The following AJAP1 variants were observed in gnomAD, a reference collection of about 807,000 sequenced individuals.
The protein encoded by AJAP1 is adherens junction-associated protein 1.
In AJAP1, 5 loss-of-function variants were observed where a neutral mutation model predicts 35.0. The observed-to-expected ratio is 0.14, with a 90% CI of 0.07 to 0.30. The LOEUF (loss-of-function observed/expected upper bound fraction) is 0.30. AJAP1 is among the 10% of genes least tolerant of loss of function. AJAP1 has a pLI of 1.00. For missense variants in AJAP1, 586 were observed against 571.0 expected (o/e 1.03, Z -0.27); for synonymous variants, 284 against 249.3 (o/e 1.14, Z -1.31).
chr1:4,747,555 C>G (rs940961609), intron 2 of AJAP1, among the ~76,000 whole-genome samples: 5 of 152,236 alleles, frequency 3.3e-5, no homozygotes, highest in African/African-American at 9.6e-5. Flanking sequence ...ACTTGTCCCT[C>G]TTGGGCCCCA....
chr1:4,778,615 T>G (rs1013635050), intron 5 of AJAP1, among the ~76,000 whole-genome samples: 3 of 131,840 alleles, frequency 2.3e-5, no homozygotes, highest in Non-Finnish European at 5.0e-5. Flanking sequence ...CTCTCTCTCT[T>G]CTCTCTGTCT....
intron 1 of AJAP1, among the ~76,000 whole-genome samples, chr1:4,679,090 C>T (rs886984381): frequency 6.6e-6 from 1 of 152,224 alleles, no homozygotes; most frequent in African/African-American, 2.4e-5. Context: ...AAGACCTGGA[C>T]TCTGGGAGAC....
At chr1:4,676,730 C>T (rs1045208808) in intron 1 of AJAP1, among the ~76,000 whole-genome samples, 4 of 152,154 alleles carry the variant, frequency 2.6e-5, no homozygotes, top group Non-Finnish European at 5.9e-5. Context: ...GTATTTGCAC[C>T]AAGGGGGACA....
chr1:4,725,353 T>C (rs1640629654), intron 2 of AJAP1, among the ~76,000 whole-genome samples: 1 of 152,096 alleles, frequency 6.6e-6, no homozygotes, highest in Non-Finnish European at 1.5e-5. Flanking sequence ...ATACTTGGTG[T>C]AGAATCCCGC....
intron 2 of AJAP1, among the ~76,000 whole-genome samples, chr1:4,761,921 C>T (rs1416759584): frequency 6.6e-6 from 1 of 152,112 alleles, no homozygotes; most frequent in Non-Finnish European, 1.5e-5. Flanking sequence ...AGGCCATTGA[C>T]TCAAATGTTA....
At chr1:4,709,363 G>A (rs1157958387) in intron 1 of AJAP1, among the ~76,000 whole-genome samples, 2 of 151,692 alleles carry the variant, frequency 1.3e-5, no homozygotes, top group African/African-American at 2.4e-5. Context: ...TTGGAGTCTG[G>A]TGCAGTCTGG....
intron 1 of AJAP1, among the ~76,000 whole-genome samples, chr1:4,677,275 G>C (rs1053913356): frequency 6.6e-6 from 1 of 152,164 alleles, no homozygotes; most frequent in African/African-American, 2.4e-5. Flanking sequence ...TGCCAAGGGG[G>C]ACCCGCCAGC....
intron 2 of AJAP1, among the ~76,000 whole-genome samples, chr1:4,747,505 G>C (rs999864017): frequency 1.3e-5 from 2 of 152,182 alleles, no homozygotes; most frequent in African/African-American, 4.8e-5. Flanking sequence ...AGGTCTGGCT[G>C]TGCCGCCCCC....
chr1:4,744,686 A>T (rs413178), intron 2 of AJAP1, among the ~76,000 whole-genome samples: 2 of 151,588 alleles, frequency 1.3e-5, no homozygotes, highest in African/African-American at 2.4e-5. Context: ...CTCATGTCTC[A>T]CCATGTGCAC....
intron 2 of AJAP1, among the ~76,000 whole-genome samples, chr1:4,751,566 C>T (rs981759315): frequency 1.3e-5 from 2 of 152,198 alleles, no homozygotes; most frequent in Non-Finnish European, 2.9e-5. Flanking sequence ...CTGTCATGAA[C>T]AAGAGAGACA....
intron 2 of AJAP1, among the ~76,000 whole-genome samples, chr1:4,756,521 C>T (rs559861918): frequency 3.1e-4 from 47 of 152,266 alleles, no homozygotes; most frequent in African/African-American, 9.4e-4. Flanking sequence ...CAAATGTTTA[C>T]GGAGGGTCTA....
At chr1:4,712,982 G>A (rs1640300688) in intron 2 of AJAP1, among the ~76,000 whole-genome samples, 1 of 152,156 alleles carries the variant, frequency 6.6e-6, no homozygotes, top group African/African-American at 2.4e-5. Flanking sequence ...AATCCACCAG[G>A]TGCTGCAGCC....
chr1:4,765,315 C>T (rs1641659265), intron 2 of AJAP1, among the ~76,000 whole-genome samples: 1 of 152,178 alleles, frequency 6.6e-6, no homozygotes. Flanking sequence ...TAGGTGACAT[C>T]ATTGTCAATC....
intron 1 of AJAP1, among the ~76,000 whole-genome samples, chr1:4,680,810 C>T (rs1404071092): frequency 6.6e-6 from 1 of 152,170 alleles, no homozygotes; most frequent in East Asian, 1.9e-4. Flanking sequence ...TACTTATGAT[C>T]TTTGATTCCA....
At chr1:4,712,794 T>C in intron 2 of AJAP1, 95 bp downstream of exon 2, 6 of 1,316,780 alleles carry the variant, frequency 4.6e-6, no homozygotes, top group Non-Finnish European at 5.1e-6. Flanking sequence ...GGTGATGCTA[T>C]GTGTGGAGGC....
At chr1:4,711,550 A>G (rs1557620340) in intron 1 of AJAP1, among the ~76,000 whole-genome samples, 1 of 152,098 alleles carries the variant, frequency 6.6e-6, no homozygotes, top group African/African-American at 2.4e-5. Context: ...TTTTCAGGTT[A>G]TCTTGTCGAG....
chr1:4,684,221 G>A (rs915432125), intron 1 of AJAP1, among the ~76,000 whole-genome samples: 2 of 152,212 alleles, frequency 1.3e-5, no homozygotes, highest in South Asian at 2.1e-4. Flanking sequence ...TGTTTGGGGG[G>A]CAGCTGTTAA....
intron 2 of AJAP1, among the ~76,000 whole-genome samples, chr1:4,713,605 G>C (rs111896668): frequency 3.2e-4 from 49 of 152,322 alleles, no homozygotes; most frequent in African/African-American, 1.2e-3. Context: ...CGGGGAGAGC[G>C]CAGAGCCCTG....
chr1:4,750,206 G>A (rs115279711), intron 2 of AJAP1, among the ~76,000 whole-genome samples: 2,491 of 152,286 alleles, frequency 0.016, 58 homozygotes, highest in African/African-American at 0.056. Context: ...TTGTGTGTGC[G>A]TGTGTGCATG....
Sources: allele counts gnomAD v4.1 joint callset (sites outside exome capture counted in the v4.1 genomes callset), GRCh38; gene constraint gnomAD v4.1.1; transcripts MANE v1.5; gene names NCBI Gene and HGNC (gene_info 2026-07-23, HGNC 2026-07-21).